The following ALX4 variants were observed in gnomAD, a reference collection of about 807,000 sequenced individuals.
The protein encoded by ALX4 is homeobox protein aristaless-like 4.
ALX4 carries 22 observed loss-of-function variants against 40.6 expected under a neutral mutation model. That is an observed-to-expected ratio of 0.54 (90% CI 0.39 to 0.77). ALX4 has a LOEUF of 0.77. ALX4 is among the 30% of genes least tolerant of loss of function. The pLI is 0.00. For missense variants in ALX4, 556 were observed against 564.8 expected, an observed-to-expected ratio of 0.98 and a Z score of 0.16; for synonymous variants, 266 against 240.5, an observed-to-expected ratio of 1.11 and a Z score of -0.98.
In ALX4 at chr11:44,262,662, C is replaced by G. The variant is rs1956189479; in HGVS notation, c.*2192G>C. ...GATTCCCTTGCTCTCCCTCCTGGCC[C>G]ACTCTGGAGCTACCTGGCTCTCCTC... On this transcript the variant is annotated 3_prime_UTR_variant, in exon 4 of 4. Coordinates refer to ENST00000652299, the MANE Select transcript of ALX4 (RefSeq NM_021926.4). 6 of 152,494 alleles carry G rather than the reference C, an allele frequency of 3.9e-5. No homozygotes were observed. Among genetic ancestry groups the G allele is most frequent in the Admixed American group, 3.3e-4 (5 of 15,282 alleles). 9.4% of individuals were successfully genotyped at this position (152,494 alleles called of 1,614,324 possible). A position where few individuals can be genotyped will look rare whatever the true frequency, so the allele number is the denominator to read the frequency against.
intron 1 of ALX4, among the ~76,000 whole-genome samples, chr11:44,304,884 C>A (rs561104181): frequency 1.3e-5 from 2 of 152,306 alleles, no homozygotes; most frequent in African/African-American, 4.8e-5. Flanking sequence ...CGGCTCAGGG[C>A]TTGGTGACTC....
intron 2 of ALX4, among the ~76,000 whole-genome samples, chr11:44,272,310 G>T (rs2135311288): frequency 6.6e-6 from 1 of 151,964 alleles, no homozygotes; most frequent in Middle Eastern, 3.4e-3. Flanking sequence ...TTGAAGACCA[G>T]CCAACCAACA....
At position 44,283,595 on chromosome 11, in the gene ALX4, C is replaced by T. The variant is rs1956322006; in HGVS notation, c.467-7937G>A. Among the ~76,000 whole-genome samples the T allele has an allele frequency of 3.9e-5, 6 of 152,270 alleles. No homozygotes were observed. In the East Asian group the frequency reaches 9.7e-4, roughly 25 times the overall value. ...TGTTTCTTTTTTTGAGACAGAGTCT[C>T]GCTTTGCCACCCAGGCTGGAGTGCA... On this transcript the variant is annotated intron_variant, in intron 1 of 3. Transcript: ENST00000652299.
rs565595093 is a variant in ALX4, at chr11:44,302,096, G to A, written c.466+7501C>T. ...AGGCCACAGGCCATGATGCAAGGGC[G>A]CTTAGTCATTCTCCCTGGGGGCGCC... is the stretch of plus-strand genomic sequence containing the variant. On this transcript the variant is annotated intron_variant, in intron 1 of 3. Coordinates refer to ENST00000652299, the MANE Select transcript of ALX4 (RefSeq NM_021926.4). Among the ~76,000 whole-genome samples the A allele has an allele frequency of 5.9e-5, 9 of 152,284 alleles. No individual in the cohort carries two copies. The South Asian group carries it at 8.3e-4, about 14-fold the overall frequency.
At chr11:44,305,426 A>C (rs1956460713) in intron 1 of ALX4, among the ~76,000 whole-genome samples, 1 of 152,230 alleles carries the variant, frequency 6.6e-6, no homozygotes, top group Non-Finnish European at 1.5e-5. Flanking sequence ...AAAATTAAAC[A>C]ACAGTCGCCC....
chr11:44,268,806 A>T (rs1177717119), intron 2 of ALX4, among the ~76,000 whole-genome samples: 1 of 152,178 alleles, frequency 6.6e-6, no homozygotes, highest in African/African-American at 2.4e-5. Context: ...CCTCAGAGGG[A>T]GGCCTCTGCC....
At chr11:44,306,771 G>T (rs1956471087) in intron 1 of ALX4, among the ~76,000 whole-genome samples, 1 of 152,122 alleles carries the variant, frequency 6.6e-6, no homozygotes, top group African/African-American at 2.4e-5. Context: ...CTGCTTGCTG[G>T]CAGGGTAGGG....
intron 2 of ALX4, 103 bp from the exon 3 acceptor site, chr11:44,267,725 A>C: frequency 6.5e-7 from 1 of 1,546,724 alleles, no homozygotes; most frequent in Non-Finnish European, 8.9e-7. Flanking sequence ...CATCAGTTGC[A>C]GTGCGTTTGG....
intron 1 of ALX4, among the ~76,000 whole-genome samples, chr11:44,288,033 G>T (rs1316408995): frequency 6.6e-6 from 1 of 152,190 alleles, no homozygotes; most frequent in African/African-American, 2.4e-5. Context: ...CTAGAGTGCA[G>T]TGGCACAATC....
At chr11:44,306,312 C>T (rs536074321) in intron 1 of ALX4, among the ~76,000 whole-genome samples, 9 of 152,262 alleles carry the variant, frequency 5.9e-5, no homozygotes, top group Non-Finnish European at 1.3e-4. Flanking sequence ...CTCTCACCAA[C>T]TCTTTCCGCA....
intron 2 of ALX4, 132 bp from the exon 3 acceptor site, chr11:44,267,754 AT>A: frequency 8.2e-7 from 1 of 1,220,670 alleles, no homozygotes; most frequent in South Asian, 1.2e-5. Flanking sequence ...GCGGCCACAC[AT>A]AAATATCAAC....
rs189299002 is a variant in ALX4 at position 44,272,367 on chromosome 11, G to A, written c.777+2981C>T. Among the ~76,000 whole-genome samples, 188 of 152,172 alleles carry A rather than the reference G, an allele frequency of 1.2e-3. 1 individual carries two copies. Among genetic ancestry groups the A allele is most frequent in the African/African-American group, 4.1e-3 (169 of 41,502 alleles). ...AAATATACAAAAATTAGCCGGGTGTGGTGGTGCACACCTGTAATCCCAGCT... is the reference window on the plus strand; with the variant it reads ...AAATATACAAAAATTAGCCGGGTGTAGTGGTGCACACCTGTAATCCCAGCT... On this transcript the variant is annotated intron_variant, in intron 2 of 3. Transcript: ENST00000652299.
chr11:44,290,061 C>T (rs1425701207), intron 1 of ALX4, among the ~76,000 whole-genome samples: 1 of 152,204 alleles, frequency 6.6e-6, no homozygotes, highest in Non-Finnish European at 1.5e-5. Context: ...AGGACTTGAA[C>T]CCTGCACCTC....
intron 2 of ALX4, among the ~76,000 whole-genome samples, chr11:44,270,646 C>A (rs780512312): frequency 1.9e-4 from 29 of 152,142 alleles, no homozygotes; most frequent in Non-Finnish European, 3.2e-4. Flanking sequence ...GCCACACCAA[C>A]CCCCACGCCC....
At chr11:44,292,986 C>T (rs1433875705) in intron 1 of ALX4, among the ~76,000 whole-genome samples, 3 of 151,812 alleles carry the variant, frequency 2.0e-5, no homozygotes, top group Non-Finnish European at 4.4e-5. Context: ...GTAGTCCCAG[C>T]TACTCAGGAG....
chr11:44,265,035 ACACT>A lies in ALX4; in HGVS notation c.1051_1054del (p.Ser351CysfsTer47). ...GCCCACGTGACTGCCAGCCCCAGAC[ACACT>A]CAGGAAGTCGGTGACGCTGCTGGCC... On this transcript the variant is annotated frameshift_variant, in exon 4 of 4. Transcript: ENST00000652299. LOFTEE classifies it high-confidence loss of function. The A allele has an allele frequency of 6.2e-7, 1 of 1,613,096 alleles. No homozygotes were observed. Among genetic ancestry groups the A allele is most frequent in the Non-Finnish European group, 8.5e-7 (1 of 1,179,924 alleles).
intron 2 of ALX4, among the ~76,000 whole-genome samples, chr11:44,274,622 G>T (rs909796489): frequency 2.0e-5 from 3 of 152,046 alleles, no homozygotes; most frequent in African/African-American, 7.2e-5. Context: ...AGTTCTATTG[G>T]GTTGTGTTGT....
chr11:44,304,121 C>T (rs1351068339), intron 1 of ALX4, among the ~76,000 whole-genome samples: 1 of 152,228 alleles, frequency 6.6e-6, no homozygotes, highest in Non-Finnish European at 1.5e-5. Flanking sequence ...TCGGCTTCCA[C>T]TCGAATTCCC....
intron 1 of ALX4, among the ~76,000 whole-genome samples, chr11:44,277,238 G>T (rs192125763): frequency 3.3e-5 from 5 of 152,172 alleles, no homozygotes; most frequent in Non-Finnish European, 5.9e-5. Flanking sequence ...CAGACCCTGT[G>T]AACATTAGAG....
Sources: gnomAD v4.1 joint callset for allele counts (sites outside exome capture counted in the v4.1 genomes callset) on GRCh38, gnomAD v4.1.1 for gene constraint, MANE v1.5 for transcripts, NCBI Gene and HGNC (gene_info 2026-07-23, HGNC 2026-07-21) for gene names.